PTPRT: variants seen among roughly 807,000 people sequenced by gnomAD.
PTPRT encodes receptor-type tyrosine-protein phosphatase T.
Under a neutral mutation model 176.8 loss-of-function variants are expected in PTPRT, and 56 were observed. The observed-to-expected ratio is 0.32, with a 90% CI of 0.26 to 0.40. The LOEUF (loss-of-function observed/expected upper bound fraction) is 0.40. Ranked by LOEUF, PTPRT falls within the 10% of genes least tolerant of loss-of-function variation. PTPRT has a pLI of 1.00. For missense variants in PTPRT, 1,540 were observed against 1,908.2 expected, an observed-to-expected ratio of 0.81 and a Z score of 3.60; for synonymous variants, 783 against 739.0, an observed-to-expected ratio of 1.06 and a Z score of -0.96.
intron 14 of PTPRT, among the ~76,000 whole-genome samples, chr20:42,237,571 G>T (rs571692908): frequency 6.6e-6 from 1 of 152,292 alleles, no homozygotes; most frequent in African/African-American, 2.4e-5. Flanking sequence ...TTTATACTTT[G>T]AAGTTTCATT....
chr20:43,072,849 C>T (rs1348152776), intron 1 of PTPRT, among the ~76,000 whole-genome samples: 3 of 152,174 alleles, frequency 2.0e-5, no homozygotes, highest in Non-Finnish European at 1.5e-5. Context: ...TGATTTGTGT[C>T]CAAGAACTTA....
chr20:43,077,154 A>T (rs943977251), intron 1 of PTPRT, among the ~76,000 whole-genome samples: 22 of 152,226 alleles, frequency 1.4e-4, no homozygotes, highest in African/African-American at 5.3e-4. Flanking sequence ...GAATAAACAG[A>T]TTTGGGTCAA....
chr20:42,866,991 C>A (rs1438275465), intron 2 of PTPRT, among the ~76,000 whole-genome samples: 2 of 152,188 alleles, frequency 1.3e-5, no homozygotes, highest in Non-Finnish European at 2.9e-5. Context: ...AAAATGCTAC[C>A]TGATACTAAT....
chr20:42,620,282 G>A (rs546672269), intron 7 of PTPRT, among the ~76,000 whole-genome samples: 39 of 150,096 alleles, frequency 2.6e-4, no homozygotes, highest in South Asian at 2.1e-3. Flanking sequence ...CCCACTTGAG[G>A]AGGCAGTCTG....
chr20:42,201,730 CAAAAAAAA>C (rs57007206), intron 15 of PTPRT, among the ~76,000 whole-genome samples: 3 of 74,052 alleles, frequency 4.1e-5, no homozygotes, highest in African/African-American at 5.4e-5. Context: ...GAACCAGAGG[CAAAAAAAA>C]AAAAAAAAAA....
At chr20:42,837,707 G>A (rs1465284157) in intron 2 of PTPRT, among the ~76,000 whole-genome samples, 3 of 152,304 alleles carry the variant, frequency 2.0e-5, no homozygotes, top group South Asian at 2.1e-4. Context: ...GCTTAGCAAC[G>A]AAGAGTCCAG....
At position 42,945,191 on chromosome 20, in the gene PTPRT, A is replaced by ATATG. The variant is rs199546552; in HGVS notation, c.89-59263_89-59260dup. ...ATAATGTAACTCTAAAGATACATAT[A>ATATG]TATGTATGTATGTATGTATGTATTT... On this transcript the variant is annotated intron_variant, in intron 1 of 30. Transcript: ENST00000373187. Among the ~76,000 whole-genome samples, 1,480 of 151,292 alleles carry ATATG rather than the reference A, an allele frequency of 9.8e-3. 7 individuals are homozygous for ATATG. Among genetic ancestry groups the ATATG allele is most frequent in the African/African-American group, 0.017 (720 of 41,340 alleles).
chr20:42,578,438 T>G (rs2073304034), intron 7 of PTPRT, among the ~76,000 whole-genome samples: 1 of 152,134 alleles, frequency 6.6e-6, no homozygotes, highest in East Asian at 1.9e-4. Context: ...CTCCAAAGCC[T>G]TTCCACTGTC....
chr20:42,452,493 A>G (rs527612903), intron 8 of PTPRT, among the ~76,000 whole-genome samples: 8 of 152,202 alleles, frequency 5.3e-5, no homozygotes, highest in African/African-American at 1.9e-4. Context: ...GAAGCCATCT[A>G]CCAAAAGTGT....
intron 16 of PTPRT, among the ~76,000 whole-genome samples, chr20:42,184,520 T>TTCTTCTTCTTCC (rs1431458141): frequency 4.4e-4 from 40 of 89,940 alleles, no homozygotes; most frequent in Admixed American, 2.3e-3. Context: ...CTCCTCCTCC[T>TTCTTCTTCTTCC]TCTTCTTCTT....
chr20:42,646,239 G>A (rs551606323), intron 7 of PTPRT, among the ~76,000 whole-genome samples: 1 of 152,046 alleles, frequency 6.6e-6, no homozygotes, highest in Non-Finnish European at 1.5e-5. Flanking sequence ...AACTGGCATA[G>A]GCTATGCAAG....
chr20:42,124,458 G>A (rs979226792), intron 19 of PTPRT, among the ~76,000 whole-genome samples: 5 of 152,226 alleles, frequency 3.3e-5, no homozygotes, highest in African/African-American at 1.2e-4. Flanking sequence ...ATTTTCGGGT[G>A]TGCAAACAAA....
chr20:42,713,156 T>C (rs992660171), intron 6 of PTPRT, among the ~76,000 whole-genome samples: 8 of 148,080 alleles, frequency 5.4e-5, no homozygotes, highest in Non-Finnish European at 1.1e-4. Flanking sequence ...CACGCACACA[T>C]ACACACACAC....
chr20:42,744,661 T>C (rs2076665395), intron 6 of PTPRT, among the ~76,000 whole-genome samples: 1 of 152,186 alleles, frequency 6.6e-6, no homozygotes, highest in South Asian at 2.1e-4. Flanking sequence ...ATCACTTCAA[T>C]ATTAATAACA....
intron 1 of PTPRT, among the ~76,000 whole-genome samples, chr20:43,086,056 G>A (rs756903536): frequency 1.3e-5 from 2 of 152,042 alleles, no homozygotes; most frequent in South Asian, 2.1e-4. Context: ...GGAATTACAC[G>A]ATGGCCCAAG....
intron 1 of PTPRT, among the ~76,000 whole-genome samples, chr20:42,917,250 T>C (rs1978829645): frequency 6.6e-6 from 1 of 152,156 alleles, no homozygotes; most frequent in Non-Finnish European, 1.5e-5. Flanking sequence ...TTTGTCAGGT[T>C]TGTCAAAGAT....
intron 1 of PTPRT, among the ~76,000 whole-genome samples, chr20:43,075,697 T>A (rs192012907): frequency 2.0e-5 from 3 of 152,352 alleles, no homozygotes; most frequent in African/African-American, 7.2e-5. Flanking sequence ...TACAGCTATG[T>A]TGTGGGCTAA....
chr20:43,000,950 C>T (rs901125893), intron 1 of PTPRT, among the ~76,000 whole-genome samples: 2 of 152,126 alleles, frequency 1.3e-5, no homozygotes, highest in Non-Finnish European at 2.9e-5. Flanking sequence ...TAGAACTGCA[C>T]AAGCATGTCA....
intron 9 of PTPRT, among the ~76,000 whole-genome samples, chr20:42,369,325 T>TAACTCATGAACCGTGAGAGCACTCCA (rs2058556538): frequency 6.6e-6 from 1 of 152,108 alleles, no homozygotes; most frequent in Non-Finnish European, 1.5e-5. Context: ...AAAGAATAAA[T>TAACTCATGAACCGTGAGAGCACTCCA]AACTCATGAA....
Sources: allele counts gnomAD v4.1 joint callset (sites outside exome capture counted in the v4.1 genomes callset), GRCh38; gene constraint gnomAD v4.1.1; transcripts MANE v1.5; gene names NCBI Gene and HGNC (gene_info 2026-07-23, HGNC 2026-07-21).